Variants in DLGAP2 observed in about 807,000 individuals in gnomAD.
DLGAP2 encodes the protein DLG associated protein 2.
DLGAP2 carries 26 observed loss-of-function variants against 100.3 expected under a neutral mutation model. The observed-to-expected ratio is 0.26, with a 90% CI of 0.19 to 0.36. DLGAP2 has a LOEUF of 0.36. Among genes scored for constraint, DLGAP2 ranks in the 10% least tolerant of loss-of-function variants. The pLI, the probability that DLGAP2 is intolerant of heterozygous loss-of-function variation, is 1.00. For synonymous variants in DLGAP2, 886 were observed against 630.1 expected, an observed-to-expected ratio of 1.41 and a Z score of -6.08; for missense variants, 1,858 against 1,453.2, an observed-to-expected ratio of 1.28 and a Z score of -4.53.
At chr8:834,139 G>C (rs1796830210) in intron 1 of DLGAP2, among the ~76,000 whole-genome samples, 2 of 152,312 alleles carry the variant, frequency 1.3e-5, no homozygotes, top group East Asian at 3.9e-4. Flanking sequence ...GCTCGTCTCA[G>C]GATGCGATCC....
At chr8:1,469,962 C>A (rs1237194696) in intron 3 of DLGAP2, among the ~76,000 whole-genome samples, 1 of 151,176 alleles carries the variant, frequency 6.6e-6, no homozygotes, top group African/African-American at 2.4e-5. Flanking sequence ...TCAAGATCAG[C>A]CTGGGCAACA....
chr8:1,062,849 C>A (rs1050264147), intron 2 of DLGAP2, among the ~76,000 whole-genome samples: 1 of 152,164 alleles, frequency 6.6e-6, no homozygotes, highest in Non-Finnish European at 1.5e-5. Context: ...TCTAAGGAGG[C>A]AAGTTCAGTC....
At chr8:797,940 T>C (rs1796067642) in intron 1 of DLGAP2, among the ~76,000 whole-genome samples, 1 of 151,920 alleles carries the variant, frequency 6.6e-6, no homozygotes, top group South Asian at 2.1e-4. Flanking sequence ...TTAGTAGAGA[T>C]GGGGTTTCAT....
intron 1 of DLGAP2, among the ~76,000 whole-genome samples, chr8:765,945 C>G (rs1347735145): frequency 2.0e-5 from 3 of 152,094 alleles, no homozygotes; most frequent in Non-Finnish European, 4.4e-5. Context: ...GATGCAGACA[C>G]ATCACAAGGT....
chr8:1,244,919 C>T (rs1311679314), intron 2 of DLGAP2, among the ~76,000 whole-genome samples: 2 of 152,120 alleles, frequency 1.3e-5, no homozygotes, highest in African/African-American at 4.8e-5. Context: ...TCCTAAAGCA[C>T]ATAAAAAGAC....
intron 8 of DLGAP2, among the ~76,000 whole-genome samples, chr8:1,651,562 G>A (rs1019269091): frequency 3.9e-5 from 6 of 152,138 alleles, no homozygotes; most frequent in East Asian, 1.9e-4. Context: ...CGGCTGGGGC[G>A]TCCATCCCTT....
chr8:1,486,501 A>G (rs1799239950), intron 3 of DLGAP2, among the ~76,000 whole-genome samples: 1 of 152,184 alleles, frequency 6.6e-6, no homozygotes, highest in South Asian at 2.1e-4. Context: ...GAGAGGGGAA[A>G]GACCCCCTAT....
At chr8:1,520,328 T>C (rs1243734622) in intron 4 of DLGAP2, among the ~76,000 whole-genome samples, 1 of 152,124 alleles carries the variant, frequency 6.6e-6, no homozygotes, top group Non-Finnish European at 1.5e-5. Context: ...AGAAAGTATT[T>C]GGGGAGCAGG....
chr8:1,367,137 C>T (rs1039595540), intron 3 of DLGAP2, among the ~76,000 whole-genome samples: 6 of 152,248 alleles, frequency 3.9e-5, no homozygotes, highest in Admixed American at 3.9e-4. Context: ...GACTATATGA[C>T]TTATGAACTG....
At chr8:1,031,019 G>C (rs191533115) in intron 2 of DLGAP2, among the ~76,000 whole-genome samples, 1 of 152,326 alleles carries the variant, frequency 6.6e-6, no homozygotes, top group Admixed American at 6.5e-5. Context: ...TTTTAGAAAA[G>C]GTTGTTTTTC....
chr8:959,262 T>C (rs1254684297), intron 2 of DLGAP2, among the ~76,000 whole-genome samples: 1 of 152,310 alleles, frequency 6.6e-6, no homozygotes, highest in African/African-American at 2.4e-5. Context: ...GCAGCTGGTG[T>C]TGTGGCTCTA....
intron 3 of DLGAP2, among the ~76,000 whole-genome samples, chr8:1,326,803 A>G (rs1267904826): frequency 6.6e-6 from 1 of 152,228 alleles, no homozygotes. Flanking sequence ...ATTTCTTCAC[A>G]TGACTCTGAT....
intron 4 of DLGAP2, among the ~76,000 whole-genome samples, chr8:1,546,341 C>T (rs921596424): frequency 3.9e-5 from 6 of 152,180 alleles, no homozygotes; most frequent in African/African-American, 1.4e-4. Context: ...AGCCCCACAC[C>T]TTGCTGTCAG....
intron 3 of DLGAP2, among the ~76,000 whole-genome samples, chr8:1,489,589 C>G (rs947460513): frequency 1.3e-5 from 2 of 152,166 alleles, no homozygotes; most frequent in Admixed American, 1.3e-4. Context: ...ATGTTTTATA[C>G]TTAGGCATAC....
chr8:1,376,609 G>C (rs966069369), intron 3 of DLGAP2, among the ~76,000 whole-genome samples: 1 of 152,102 alleles, frequency 6.6e-6, no homozygotes, highest in Non-Finnish European at 1.5e-5. Context: ...GTGGGGAGCC[G>C]GGTGACAGGG....
At chr8:1,198,531 C>A (rs1386096886) in intron 2 of DLGAP2, among the ~76,000 whole-genome samples, 1 of 152,072 alleles carries the variant, frequency 6.6e-6, no homozygotes, top group South Asian at 2.1e-4. Flanking sequence ...GGGGAAGGGG[C>A]TGCGAGGAGG....
chr8:1,073,943 A>T (rs1227730064), intron 2 of DLGAP2, among the ~76,000 whole-genome samples: 1 of 152,198 alleles, frequency 6.6e-6, no homozygotes, highest in Non-Finnish European at 1.5e-5. Flanking sequence ...AAGGGTTTGC[A>T]GCAGAGTGAG....
intron 6 of DLGAP2, among the ~76,000 whole-genome samples, chr8:1,577,051 A>C (rs1291363087): frequency 6.6e-6 from 1 of 152,206 alleles, no homozygotes; most frequent in African/African-American, 2.4e-5. Flanking sequence ...AGACAGGAGG[A>C]TATTCTTCAT....
chr8:1,182,065 C>T (rs1797400757), intron 2 of DLGAP2, among the ~76,000 whole-genome samples: 1 of 152,218 alleles, frequency 6.6e-6, no homozygotes, highest in African/African-American at 2.4e-5. Flanking sequence ...GAGCCATGTG[C>T]CTGATAGATG....
Sources: allele counts gnomAD v4.1 joint callset (sites outside exome capture counted in the v4.1 genomes callset), GRCh38; gene constraint gnomAD v4.1.1; transcripts MANE v1.5; gene names NCBI Gene and HGNC (gene_info 2026-07-23, HGNC 2026-07-21).